Variants in PTPA observed in about 807,000 individuals in gnomAD.
PTPA encodes serine/threonine-protein phosphatase 2A activator.
PTPA carries 13 observed loss-of-function variants against 43.6 expected under a neutral mutation model. The ratio of observed to expected loss-of-function variants is 0.30; its 90% CI spans 0.19 to 0.47. The LOEUF is 0.47. PTPA is among the 20% of genes least tolerant of loss of function. PTPA has a pLI of 0.99. For missense variants in PTPA, 329 were observed against 411.9 expected (o/e 0.80, Z 1.74); for synonymous variants, 172 against 158.2 (o/e 1.09, Z -0.66).
At chr9:129,115,274 C>A (rs1335861203) in intron 1 of PTPA, among the ~76,000 whole-genome samples, 2 of 152,188 alleles carry the variant, frequency 1.3e-5, no homozygotes, top group East Asian at 3.9e-4. Context: ...TGCCAATTTA[C>A]TAATAGCAGT....
chr9:129,140,721 T>TC (rs1213150860), intron 8 of PTPA, among the ~76,000 whole-genome samples: 1 of 146,486 alleles, frequency 6.8e-6, no homozygotes, highest in African/African-American at 2.5e-5. Context: ...GTTACACAGC[T>TC]CCATGCTCCC....
At position 129,120,795 on chromosome 9, in the gene PTPA, C is replaced by G. The variant is rs367570141; in HGVS notation, c.129+185C>G. Among the ~76,000 whole-genome samples, 44 of 152,188 alleles carry G rather than the reference C, an allele frequency of 2.9e-4. 1 individual carries two copies. The highest frequency in any genetic ancestry group is 1.2e-3 in the East Asian group (6 of 5,198). ...GAGGCAGTACTCAGAGATGCTTTAT[C>G]AGGAAGGTTGCCTACTTTTTCAGGC... On this transcript the variant is annotated intron_variant, in intron 2 of 9. Transcript: ENST00000393370.
intron 9 of PTPA, among the ~76,000 whole-genome samples, chr9:129,144,472 C>G (rs1184806522): frequency 6.6e-6 from 1 of 152,168 alleles, no homozygotes; most frequent in Non-Finnish European, 1.5e-5. Flanking sequence ...GGCGTGGTGG[C>G]TCACGCCTGT....
At chr9:129,115,913 G>A (rs747973499) in intron 1 of PTPA, among the ~76,000 whole-genome samples, 9 of 151,906 alleles carry the variant, frequency 5.9e-5, no homozygotes, top group South Asian at 2.1e-4. Flanking sequence ...AAAGTGCTGC[G>A]ATTACAGGCC....
At chr9:129,124,207 T>C (rs1849431917) in intron 3 of PTPA, among the ~76,000 whole-genome samples, 2 of 152,046 alleles carry the variant, frequency 1.3e-5, no homozygotes, top group African/African-American at 4.8e-5. Flanking sequence ...TTTATCTTAT[T>C]TTATTTTTTT....
intron 6 of PTPA, among the ~76,000 whole-genome samples, chr9:129,135,674 C>G (rs902719140): frequency 3.9e-5 from 6 of 152,252 alleles, no homozygotes; most frequent in African/African-American, 1.4e-4. Flanking sequence ...GATCAGTTAC[C>G]CAGAGCTCTT....
intron 8 of PTPA, 28 bp downstream of exon 8, chr9:129,137,720 C>G (rs769446642): frequency 6.5e-7 from 1 of 1,538,870 alleles, no homozygotes; most frequent in Non-Finnish European, 8.9e-7. Flanking sequence ...GAGAGAAGCC[C>G]ATGGCTGCCT....
At chr9:129,136,628 C>T in intron 7 of PTPA, 33 bp downstream of exon 7, 7 of 1,580,902 alleles carry the variant, frequency 4.4e-6, no homozygotes, top group African/African-American at 1.3e-5. Flanking sequence ...TCCCTCCACC[C>T]CCAACCAAGG....
intron 8 of PTPA, chr9:129,142,039 CTGAGGCTCCT>C: frequency 5.9e-6 from 1 of 168,766 alleles, no homozygotes; most frequent in South Asian, 1.8e-4. Flanking sequence ...GAGAGGCGCT[CTGAGGCTCCT>C]GGGGAGTCGG....
intron 9 of PTPA, chr9:129,142,939 C>T (rs186296855): frequency 1.4e-5 from 20 of 1,434,030 alleles, no homozygotes; most frequent in South Asian, 4.4e-5. Context: ...AGGGTCTTAC[C>T]CTTTGGAGGC....
At chr9:129,144,564 C>T (rs1486759464) in intron 9 of PTPA, among the ~76,000 whole-genome samples, 18 of 151,072 alleles carry the variant, frequency 1.2e-4, no homozygotes, top group African/African-American at 4.1e-4. Flanking sequence ...CAGTGAAACC[C>T]CGTCTCTACT....
chr9:129,135,438 G>A (rs1850301671), intron 6 of PTPA, among the ~76,000 whole-genome samples: 1 of 152,174 alleles, frequency 6.6e-6, no homozygotes. Flanking sequence ...TATTGACACA[G>A]TGTTGACCAT....
chr9:129,132,792 C>G (rs1017013318), intron 5 of PTPA, among the ~76,000 whole-genome samples: 4 of 152,160 alleles, frequency 2.6e-5, no homozygotes, highest in Admixed American at 2.6e-4. Context: ...GCCACTGCGC[C>G]CAGCTGATTG....
intron 9 of PTPA, among the ~76,000 whole-genome samples, chr9:129,146,432 T>C (rs892312304): frequency 4.6e-5 from 7 of 152,216 alleles, no homozygotes; most frequent in Non-Finnish European, 1.5e-5. Flanking sequence ...AGCACCCGTT[T>C]GTCTCTAAGT....
chr9:129,120,698 T>G (rs1849198168), intron 2 of PTPA, 88 bp downstream of exon 2: 2 of 1,179,632 alleles, frequency 1.7e-6, no homozygotes, highest in Admixed American at 4.1e-5. Flanking sequence ...CTGGCCCTTC[T>G]TGCTCTTGGA....
At chr9:129,125,426 A>G (rs1284170885) in intron 3 of PTPA, among the ~76,000 whole-genome samples, 2 of 151,886 alleles carry the variant, frequency 1.3e-5, no homozygotes, top group East Asian at 3.9e-4. Context: ...TAATTTTTGT[A>G]TTTTTAGTAG....
chr9:129,143,560 G>T, intron 9 of PTPA: 1 of 652,012 alleles, frequency 1.5e-6, no homozygotes, highest in Non-Finnish European at 2.8e-6. Flanking sequence ...GGGTGGGGGA[G>T]CACAGATGCT....
At chr9:129,135,850 A>T (rs2131599558) in intron 6 of PTPA, among the ~76,000 whole-genome samples, 1 of 152,384 alleles carries the variant, frequency 6.6e-6, no homozygotes, top group African/African-American at 2.4e-5. Flanking sequence ...GACTTGTGTT[A>T]GCTTTCAGAC....
upstream of PTPA, chr9:129,110,952 T>A: frequency 7.4e-7 from 1 of 1,360,324 alleles, no homozygotes; most frequent in Non-Finnish European, 9.8e-7. The surrounding 1 kb of genome is among the most constrained non-coding windows in gnomAD (Gnocchi z 5.3). Context: ...GGCGAGTCAT[T>A]GAGACCTGTG....
Sources: allele counts gnomAD v4.1 joint callset (sites outside exome capture counted in the v4.1 genomes callset), GRCh38; gene constraint gnomAD v4.1.1; non-coding constraint Gnocchi (gnomAD v3.1); transcripts MANE v1.5; gene names NCBI Gene and HGNC (gene_info 2026-07-23, HGNC 2026-07-21).